The following BRD10 variants were observed in gnomAD, a reference collection of about 807,000 sequenced individuals.
BRD10 encodes uncharacterized bromodomain-containing protein 10.
chr9:5,994,696 T>G, the BRD10 span, among the ~76,000 whole-genome samples: 1 of 152,142 alleles, frequency 6.6e-6, no homozygotes, highest in Admixed American at 6.5e-5. Flanking sequence ...GTCTCAGGCA[T>G]GTAGCCTCTC....
chr9:5,943,196 A>C, the BRD10 span, among the ~76,000 whole-genome samples: 1 of 152,060 alleles, frequency 6.6e-6, no homozygotes, highest in South Asian at 2.1e-4. Flanking sequence ...GTTTTCTTTT[A>C]TTCTTCTTCT....
At chr9:5,882,484 C>G in the BRD10 span, among the ~76,000 whole-genome samples, 1 of 152,190 alleles carries the variant, frequency 6.6e-6, no homozygotes, top group Non-Finnish European at 1.5e-5. Flanking sequence ...AAAGAGGCTT[C>G]TCATACTTGT....
At chr9:5,897,186 G>T in the BRD10 span, among the ~76,000 whole-genome samples, 3 of 152,206 alleles carry the variant, frequency 2.0e-5, no homozygotes, top group South Asian at 6.2e-4. Context: ...CTCTTTGTGG[G>T]CTGAGTTGGA....
the BRD10 span, among the ~76,000 whole-genome samples, chr9:5,915,352 G>C: frequency 6.6e-6 from 1 of 152,050 alleles, no homozygotes; most frequent in East Asian, 1.9e-4. Flanking sequence ...GTAGGCACCG[G>C]GCTAAGTACT....
At chr9:5,957,886 G>A in the BRD10 span, among the ~76,000 whole-genome samples, 20 of 152,096 alleles carry the variant, frequency 1.3e-4, no homozygotes, top group East Asian at 1.7e-3. Context: ...AATATATACA[G>A]GGCAAGTTAC....
the BRD10 span, among the ~76,000 whole-genome samples, chr9:5,964,122 C>T: frequency 2.4e-4 from 36 of 151,634 alleles, no homozygotes; most frequent in Non-Finnish European, 3.2e-4. Flanking sequence ...ACAGGCAACC[C>T]ACAAAATGGG....
At chr9:6,002,023 A>C in the BRD10 span, among the ~76,000 whole-genome samples, 2 of 152,258 alleles carry the variant, frequency 1.3e-5, no homozygotes, top group Admixed American at 6.5e-5. Flanking sequence ...CAAAAAAATC[A>C]TGATATAATT....
At chr9:5,966,553 G>A in the BRD10 span, among the ~76,000 whole-genome samples, 13 of 131,522 alleles carry the variant, frequency 9.9e-5, no homozygotes, top group Non-Finnish European at 1.2e-4. Context: ...TCTGCCTCCC[G>A]GGTTGAAGCA....
the BRD10 span, among the ~76,000 whole-genome samples, chr9:5,997,328 C>T: frequency 6.6e-6 from 1 of 152,096 alleles, no homozygotes; most frequent in Non-Finnish European, 1.5e-5. Flanking sequence ...TTATTGTTTT[C>T]TTGCATATTT....
chr9:5,975,714 T>A, the BRD10 span, among the ~76,000 whole-genome samples: 1 of 152,010 alleles, frequency 6.6e-6, no homozygotes, highest in African/African-American at 2.4e-5. Flanking sequence ...AAAACATACT[T>A]CTATAGTATA....
the BRD10 span, among the ~76,000 whole-genome samples, chr9:5,914,974 C>T: frequency 2.6e-5 from 4 of 151,806 alleles, no homozygotes; most frequent in Non-Finnish European, 4.4e-5. Flanking sequence ...TAAAGAGAAC[C>T]CCGCCAAGCC....
the BRD10 span, chr9:5,967,991 T>A: frequency 7.6e-7 from 1 of 1,321,780 alleles, no homozygotes; most frequent in Non-Finnish European, 1.0e-6. Flanking sequence ...TACTTAAATA[T>A]AACTCCCATC....
chr9:5,943,670 A>G, the BRD10 span, among the ~76,000 whole-genome samples: 1 of 152,174 alleles, frequency 6.6e-6, no homozygotes, highest in East Asian at 1.9e-4. Flanking sequence ...GAGACTGCCT[A>G]TACACCTAAA....
the BRD10 span, chr9:6,007,955 G>T: frequency 7.7e-7 from 1 of 1,306,726 alleles, no homozygotes; most frequent in African/African-American, 1.6e-5. Flanking sequence ...GGGGTCTTGA[G>T]CTCACCGCCG....
chr9:5,927,513 A>G, the BRD10 span, among the ~76,000 whole-genome samples: 1 of 152,154 alleles, frequency 6.6e-6, no homozygotes, highest in Non-Finnish European at 1.5e-5. Context: ...AACTCCATGA[A>G]AGAGGACTCT....
the BRD10 span, chr9:5,919,574 AC>A: frequency 1.1e-6 from 1 of 920,620 alleles, no homozygotes; most frequent in Non-Finnish European, 1.6e-6. Context: ...ACACACACAC[AC>A]ACACACACAA....
the BRD10 span, among the ~76,000 whole-genome samples, chr9:6,000,954 T>C: frequency 5.3e-5 from 8 of 152,174 alleles, no homozygotes; most frequent in Non-Finnish European, 2.9e-5. Flanking sequence ...ACCCTCTAAT[T>C]AAACTTCTCT....
the BRD10 span, among the ~76,000 whole-genome samples, chr9:5,926,123 G>C: frequency 6.6e-6 from 1 of 151,970 alleles, no homozygotes; most frequent in African/African-American, 2.4e-5. Context: ...TCACCATGTT[G>C]GCCAAGCTGG....
the BRD10 span, among the ~76,000 whole-genome samples, chr9:6,005,888 A>C: frequency 4.6e-5 from 7 of 152,240 alleles, no homozygotes; most frequent in African/African-American, 1.7e-4. Context: ...ACTCTATGAA[A>C]GGATTCAAGA....
Sources: gnomAD v4.1 joint callset for allele counts (sites outside exome capture counted in the v4.1 genomes callset) on GRCh38, gnomAD v4.1.1 for gene constraint, MANE v1.5 for transcripts, NCBI Gene and HGNC (gene_info 2026-07-23, HGNC 2026-07-21) for gene names.